ZFPM2: variants seen among roughly 807,000 people sequenced by gnomAD.
ZFPM2 encodes zinc finger protein ZFPM2.
A neutral mutation model predicts 98.6 loss-of-function variants in ZFPM2; 20 were observed. The observed-to-expected ratio is 0.20, with a 90% CI of 0.14 to 0.29. The LOEUF (loss-of-function observed/expected upper bound fraction) is 0.29. ZFPM2 is among the 10% of genes least tolerant of loss of function. ZFPM2 has a pLI of 1.00. For missense variants in ZFPM2, 1,310 were observed against 1,388.6 expected (o/e 0.94, Z 0.90); for synonymous variants, 518 against 502.7 (o/e 1.03, Z -0.41).
intron 4 of ZFPM2, among the ~76,000 whole-genome samples, chr8:105,585,873 A>G (rs1439869613): frequency 6.6e-6 from 1 of 152,076 alleles, no homozygotes; most frequent in Non-Finnish European, 1.5e-5. Flanking sequence ...AAGAGAACCT[A>G]AGATATATTT....
At chr8:105,593,109 A>AC (rs1175505993) in intron 4 of ZFPM2, among the ~76,000 whole-genome samples, 2 of 152,012 alleles carry the variant, frequency 1.3e-5, no homozygotes, top group Non-Finnish European at 2.9e-5. Flanking sequence ...GGATATCGAG[A>AC]CCCCTTGACC....
At chr8:105,389,771 GATC>G (rs1811072670) in intron 1 of ZFPM2, among the ~76,000 whole-genome samples, 1 of 152,154 alleles carries the variant, frequency 6.6e-6, no homozygotes, top group Non-Finnish European at 1.5e-5. Context: ...GGTAAGACGT[GATC>G]ATAGCTATGT....
chr8:105,404,983 C>T (rs1422084830), intron 1 of ZFPM2, among the ~76,000 whole-genome samples: 1 of 152,014 alleles, frequency 6.6e-6, no homozygotes. Context: ...ATGGAATTCC[C>T]CCACAATTTA....
intron 3 of ZFPM2, among the ~76,000 whole-genome samples, chr8:105,452,640 T>A (rs1306248156): frequency 2.0e-5 from 3 of 152,012 alleles, no homozygotes; most frequent in Non-Finnish European, 4.4e-5. Flanking sequence ...TGGTCCAAGC[T>A]ACTTGGGAGG....
At position 105,318,837 on chromosome 8, in the gene ZFPM2, G is replaced by A; in HGVS notation, c.-105G>A. Reference sequence around the variant, plus strand: ...TGGAGTCCGGCCGGCGGCGGGCCGAGCCTGGCCAGCGGCGGCGGCGGCGGC... The same window carrying A: ...TGGAGTCCGGCCGGCGGCGGGCCGAACCTGGCCAGCGGCGGCGGCGGCGGC... On this transcript the variant is annotated 5_prime_UTR_variant, in exon 1 of 8. Transcript: ENST00000407775. 2 of 664,018 alleles carry A rather than the reference G, an allele frequency of 3.0e-6. No individual in the cohort carries two copies. The highest frequency in any genetic ancestry group is 1.8e-6 in the Non-Finnish European group (1 of 545,072). 41.1% of individuals were successfully genotyped at this position (664,018 alleles called of 1,614,324 possible).
intron 3 of ZFPM2, among the ~76,000 whole-genome samples, chr8:105,488,323 G>A (rs1813278570): frequency 6.6e-6 from 1 of 152,154 alleles, no homozygotes; most frequent in African/African-American, 2.4e-5. Context: ...CCATTTTGTT[G>A]TTCCATTATC....
chr8:105,536,889 C>T (rs1048767267), intron 3 of ZFPM2, among the ~76,000 whole-genome samples: 3 of 152,136 alleles, frequency 2.0e-5, no homozygotes, highest in African/African-American at 7.2e-5. Flanking sequence ...GCATCTTCCC[C>T]TGAGCTATAA....
chr8:105,604,349 C>A (rs1014913675), intron 4 of ZFPM2, among the ~76,000 whole-genome samples: 1 of 151,996 alleles, frequency 6.6e-6, no homozygotes, highest in Non-Finnish European at 1.5e-5. Context: ...TCTTACCAGG[C>A]CTCAGCAGCA....
Position 105,803,558 on chromosome 8 carries a change from C to T in ZFPM2, c.*20C>T. On this transcript the variant is annotated 3_prime_UTR_variant, in exon 8 of 8. Coordinates refer to ENST00000407775, the MANE Select transcript of ZFPM2 (RefSeq NM_012082.4). ...AAATGAACTAACTAAACATCAGTCA[C>T]CTTTGGTATCAGTGTTTAGTATGTT... The T allele has an allele frequency of 6.3e-7, 1 of 1,586,384 alleles. No homozygotes were observed. The highest frequency in any genetic ancestry group is 8.6e-7 in the Non-Finnish European group (1 of 1,164,898).
At chr8:105,504,760 C>G (rs183210557) in intron 3 of ZFPM2, among the ~76,000 whole-genome samples, 1 of 152,064 alleles carries the variant, frequency 6.6e-6, no homozygotes, top group African/African-American at 2.4e-5. Context: ...AATAGATGTG[C>G]TTATGTTAAC....
intron 5 of ZFPM2, among the ~76,000 whole-genome samples, chr8:105,636,435 A>T (rs1452422670): frequency 6.6e-6 from 1 of 152,114 alleles, no homozygotes; most frequent in African/African-American, 2.4e-5. Flanking sequence ...GCACACCTTG[A>T]ATTCTCTTCT....
At chr8:105,661,993 C>A (rs1817399177) in intron 5 of ZFPM2, among the ~76,000 whole-genome samples, 1 of 151,734 alleles carries the variant, frequency 6.6e-6, no homozygotes, top group Admixed American at 6.6e-5. Context: ...AAAAAGGAAG[C>A]ATGAGAAATG....
At chr8:105,352,957 G>A (rs1812676776) in intron 1 of ZFPM2, among the ~76,000 whole-genome samples, 1 of 151,990 alleles carries the variant, frequency 6.6e-6, no homozygotes, top group Non-Finnish European at 1.5e-5. Context: ...CACAACATTA[G>A]CACATCAATA....
At chr8:105,619,695 C>T (rs1313327524) in intron 4 of ZFPM2, among the ~76,000 whole-genome samples, 1 of 151,504 alleles carries the variant, frequency 6.6e-6, no homozygotes, top group South Asian at 2.1e-4. Context: ...CCCCCCACCC[C>T]GCGACAGGCC....
At chr8:105,641,144 TA>T (rs971236897) in intron 5 of ZFPM2, among the ~76,000 whole-genome samples, 4 of 152,026 alleles carry the variant, frequency 2.6e-5, no homozygotes, top group African/African-American at 9.7e-5. Context: ...TGACACAATG[TA>T]AAATTACATT....
intron 1 of ZFPM2, among the ~76,000 whole-genome samples, chr8:105,349,246 C>T (rs570908000): frequency 6.6e-6 from 1 of 152,158 alleles, no homozygotes; most frequent in South Asian, 2.1e-4. Flanking sequence ...CAGTTAGATC[C>T]ATATGAAAAT....
intron 3 of ZFPM2, among the ~76,000 whole-genome samples, chr8:105,559,930 A>T (rs1439941496): frequency 3.9e-5 from 6 of 152,118 alleles, no homozygotes; most frequent in Non-Finnish European, 8.8e-5. Flanking sequence ...TTACTAGGCC[A>T]GGCGCGGTGG....
At chr8:105,429,319 G>A (rs1811973506) in intron 2 of ZFPM2, among the ~76,000 whole-genome samples, 1 of 151,920 alleles carries the variant, frequency 6.6e-6, no homozygotes, top group African/African-American at 2.4e-5. Context: ...GTGGCCGTAT[G>A]TGATCATGCA....
chr8:105,489,466 A>ATATATATATATATATATATATATATATT (rs1554610604), intron 3 of ZFPM2, among the ~76,000 whole-genome samples: 8 of 119,770 alleles, frequency 6.7e-5, no homozygotes, highest in African/African-American at 2.9e-4. Flanking sequence ...ATATATATAT[A>ATATATATATATATATATATATATATATT]TTTTTTTTTT....
Sources: allele counts gnomAD v4.1 joint callset (sites outside exome capture counted in the v4.1 genomes callset), GRCh38; gene constraint gnomAD v4.1.1; transcripts MANE v1.5; gene names NCBI Gene and HGNC (gene_info 2026-07-23, HGNC 2026-07-21).